The following ARL15 variants were observed in gnomAD, a reference collection of about 807,000 sequenced individuals.
ARL15 encodes ARF like GTPase 15.
ARL15 carries 19 observed loss-of-function variants against 25.2 expected under a neutral mutation model. That is an observed-to-expected ratio of 0.75 (90% CI 0.53 to 1.10). The LOEUF is 1.10. Among genes scored for constraint, ARL15 ranks in the 50% least tolerant of loss-of-function variants. The pLI is 0.00. For synonymous variants in ARL15, 94 were observed against 86.8 expected, an observed-to-expected ratio of 1.08 and a Z score of -0.46; for missense variants, 220 against 246.0, an observed-to-expected ratio of 0.89 and a Z score of 0.71.
At chr5:53,910,785 C>T (rs770429457) in intron 4 of ARL15, among the ~76,000 whole-genome samples, 1 of 151,146 alleles carries the variant, frequency 6.6e-6, no homozygotes, top group Non-Finnish European at 1.5e-5. Context: ...CATGATTCCC[C>T]TGCCCTTTCG....
chr5:54,024,181 G>A (rs1368369900), intron 4 of ARL15, among the ~76,000 whole-genome samples: 4 of 152,164 alleles, frequency 2.6e-5, no homozygotes, highest in African/African-American at 7.2e-5. Context: ...TGGCCCCTAC[G>A]ATACAAGTTT....
intron 4 of ARL15, among the ~76,000 whole-genome samples, chr5:54,105,494 T>C (rs1436444191): frequency 2.0e-5 from 3 of 152,204 alleles, no homozygotes; most frequent in Non-Finnish European, 4.4e-5. Flanking sequence ...TAAATATGCA[T>C]ACAAAGTATT....
intron 4 of ARL15, among the ~76,000 whole-genome samples, chr5:54,082,149 G>A (rs1442014863): frequency 6.7e-6 from 1 of 149,770 alleles, no homozygotes; most frequent in African/African-American, 2.5e-5. Flanking sequence ...ATGGGTCTCA[G>A]TTCTCTGGGG....
At chr5:53,936,133 G>A (rs918048164) in intron 4 of ARL15, among the ~76,000 whole-genome samples, 1 of 152,084 alleles carries the variant, frequency 6.6e-6, no homozygotes, top group Non-Finnish European at 1.5e-5. Context: ...TTCAGAGAGA[G>A]GTACATATAT....
chr5:54,271,730 C>T (rs1289000725), intron 1 of ARL15, among the ~76,000 whole-genome samples: 3 of 152,104 alleles, frequency 2.0e-5, no homozygotes, highest in Admixed American at 1.3e-4. Flanking sequence ...AGGATGCAGA[C>T]TGGTCCTCCA....
intron 1 of ARL15, among the ~76,000 whole-genome samples, chr5:54,175,271 TAA>T (rs1387156266): frequency 1.3e-5 from 2 of 152,182 alleles, no homozygotes; most frequent in Non-Finnish European, 2.9e-5. Context: ...ACTTCTGACA[TAA>T]AAGATGATTT....
chr5:54,164,833 A>G (rs925951770), intron 2 of ARL15, among the ~76,000 whole-genome samples: 3 of 151,876 alleles, frequency 2.0e-5, no homozygotes, highest in African/African-American at 7.2e-5. Flanking sequence ...CTGTCTCTTA[A>G]TTAAGGAGTC....
At chr5:54,183,695 TA>T (rs1468773179) in intron 1 of ARL15, among the ~76,000 whole-genome samples, 1 of 149,566 alleles carries the variant, frequency 6.7e-6, no homozygotes, top group Non-Finnish European at 1.5e-5. Flanking sequence ...AGTGTGGCGA[TA>T]CCTCAGGGAT....
At chr5:54,038,766 C>A (rs1202769271) in intron 4 of ARL15, among the ~76,000 whole-genome samples, 1 of 151,912 alleles carries the variant, frequency 6.6e-6, no homozygotes, top group Non-Finnish European at 1.5e-5. Flanking sequence ...AAATAAGGGA[C>A]AATCAAATAC....
intron 2 of ARL15, among the ~76,000 whole-genome samples, chr5:54,157,765 G>A (rs527897314): frequency 7.9e-5 from 12 of 152,226 alleles, no homozygotes; most frequent in African/African-American, 2.6e-4. Context: ...AGTCGTAAAT[G>A]TTTTCTCCAA....
chr5:54,189,309 C>T (rs1203768367), intron 1 of ARL15, among the ~76,000 whole-genome samples: 6 of 152,008 alleles, frequency 3.9e-5, no homozygotes, highest in Admixed American at 1.3e-4. Flanking sequence ...AAAGCCCATC[C>T]TAAAATTCAT....
chr5:53,947,427 T>C (rs373222718), intron 4 of ARL15, among the ~76,000 whole-genome samples: 3 of 152,202 alleles, frequency 2.0e-5, no homozygotes, highest in Admixed American at 6.5e-5. Context: ...TAGCCAAAAC[T>C]AATCAAACAA....
chr5:54,178,393 C>T (rs890284867), intron 1 of ARL15, among the ~76,000 whole-genome samples: 5 of 152,206 alleles, frequency 3.3e-5, no homozygotes, highest in Admixed American at 3.3e-4. Flanking sequence ...AAGCCCCACA[C>T]TGTTCCCTTC....
chr5:54,260,805 G>C (rs1413387972), intron 1 of ARL15, among the ~76,000 whole-genome samples: 1 of 152,056 alleles, frequency 6.6e-6, no homozygotes, highest in Non-Finnish European at 1.5e-5. Context: ...AAGCAGATTA[G>C]GACAAGTGAC....
intron 1 of ARL15, among the ~76,000 whole-genome samples, chr5:54,180,348 T>A (rs1444114524): frequency 1.3e-5 from 2 of 152,120 alleles, no homozygotes; most frequent in Non-Finnish European, 2.9e-5. Flanking sequence ...GAAACAAAAA[T>A]CAAATATGCT....
intron 4 of ARL15, among the ~76,000 whole-genome samples, chr5:53,972,272 G>A (rs1265805815): frequency 6.6e-6 from 1 of 151,936 alleles, no homozygotes; most frequent in Non-Finnish European, 1.5e-5. Flanking sequence ...TCACCTGCCC[G>A]CATTGATAGT....
chr5:54,001,709 T>A (rs772941751), intron 4 of ARL15, among the ~76,000 whole-genome samples: 3 of 152,234 alleles, frequency 2.0e-5, no homozygotes, highest in Non-Finnish European at 2.9e-5. Context: ...AACTAACTTT[T>A]CCTAAGGGTT....
chr5:54,042,990 T>G (rs1200571125), intron 4 of ARL15, among the ~76,000 whole-genome samples: 1 of 152,160 alleles, frequency 6.6e-6, no homozygotes, highest in Non-Finnish European at 1.5e-5. Context: ...AACCACTGCT[T>G]CAGATACACA....
intron 4 of ARL15, among the ~76,000 whole-genome samples, chr5:53,980,654 T>G (rs538527574): frequency 7.9e-5 from 12 of 152,342 alleles, no homozygotes; most frequent in South Asian, 2.1e-4. Flanking sequence ...AACTGAGGAC[T>G]GTGAGTTATT....
Sources: allele counts gnomAD v4.1 joint callset (sites outside exome capture counted in the v4.1 genomes callset), GRCh38; gene constraint gnomAD v4.1.1; transcripts MANE v1.5; gene names NCBI Gene and HGNC (gene_info 2026-07-23, HGNC 2026-07-21).